Variants in ESRRG observed in about 807,000 individuals in gnomAD.
The protein encoded by ESRRG is estrogen-related receptor gamma.
ESRRG carries 13 observed loss-of-function variants against 44.0 expected under a neutral mutation model. The observed-to-expected ratio is 0.30, with a 90% CI of 0.19 to 0.47. The LOEUF is 0.47. ESRRG is among the 20% of genes least tolerant of loss of function. The pLI is 1.00. For missense variants in ESRRG, 395 were observed against 580.6 expected, an observed-to-expected ratio of 0.68 and a Z score of 3.29; for synonymous variants, 215 against 214.6, an observed-to-expected ratio of 1.00 and a Z score of -0.02.
upstream of ESRRG, among the ~76,000 whole-genome samples, chr1:217,092,844 T>C (rs1056516487): frequency 6.6e-6 from 1 of 152,224 alleles, no homozygotes; most frequent in Non-Finnish European, 1.5e-5. Context: ...CACTTTTCAA[T>C]TTGACAGAAA....
chr1:217,094,610 C>G (rs373238856), upstream of ESRRG, among the ~76,000 whole-genome samples: 10 of 152,330 alleles, frequency 6.6e-5, no homozygotes, highest in African/African-American at 2.4e-4. Flanking sequence ...TGTGCCTTAT[C>G]TTACATCTGA....
chr1:216,927,371 C>T (rs1173646436), intron 2 of ESRRG, among the ~76,000 whole-genome samples: 1 of 152,106 alleles, frequency 6.6e-6, no homozygotes, highest in Non-Finnish European at 1.5e-5. Flanking sequence ...CCTCACCACC[C>T]TGAAGGGCAA....
chr1:216,830,329 C>T (rs147223613), intron 2 of ESRRG, among the ~76,000 whole-genome samples: 3 of 152,216 alleles, frequency 2.0e-5, no homozygotes, highest in African/African-American at 4.8e-5. Flanking sequence ...AAGTCGAGAA[C>T]GAAGTAATCC....
At position 217,118,056 on chromosome 1, in the gene ESRRG, G is replaced by A. The variant is rs180878351; in HGVS notation, c.-230+19611C>T. On this transcript the variant is annotated intron_variant, in intron 1 of 8. Transcript: ENST00000366940. ...CTAGAAATTATTTAGTACTTACTAT[G>A]AGCCAGAGCCTGTTCTAAGCATTTT... Among the ~76,000 whole-genome samples the A allele has an allele frequency of 1.7e-3, 263 of 152,182 alleles. 1 individual carries two copies. The highest frequency in any genetic ancestry group is 6.1e-3 in the African/African-American group (252 of 41,494).
chr1:216,768,778 A>G (rs969193079), intron 2 of ESRRG, among the ~76,000 whole-genome samples: 1 of 152,132 alleles, frequency 6.6e-6, no homozygotes, highest in Non-Finnish European at 1.5e-5. Flanking sequence ...GGGGTAAGCC[A>G]CTGTGCCCAG....
At chr1:216,770,630 TA>T in intron 2 of ESRRG, among the ~76,000 whole-genome samples, 1 of 152,260 alleles carries the variant, frequency 6.6e-6, no homozygotes, top group Non-Finnish European at 1.5e-5. Context: ...TAACAATAAA[TA>T]ACAGGTTAAA....
At chr1:217,062,655 G>C (rs1478220675) in intron 1 of ESRRG, among the ~76,000 whole-genome samples, 2 of 152,206 alleles carry the variant, frequency 1.3e-5, no homozygotes, top group African/African-American at 4.8e-5. Context: ...GTCAGAGCTT[G>C]AGGTCTTCTC....
At chr1:216,730,170 G>A (rs61819764) in intron 2 of ESRRG, among the ~76,000 whole-genome samples, 21,332 of 151,908 alleles carry the variant, frequency 0.14, 1,550 homozygotes, top group Middle Eastern at 0.22. Flanking sequence ...CTATACTAGC[G>A]CATAGAACTC....
At position 216,678,343 on chromosome 1, in the gene ESRRG, T is replaced by C. The variant is rs539501828; in HGVS notation, c.57-852A>G. ...AAGCCATTTGAGCCTTCAGTATACC[T>C]GTAAGTCCACAAATCTGATATTATA... On this transcript the variant is annotated intron_variant, in intron 1 of 6. Coordinates refer to ENST00000408911, the MANE Select transcript of ESRRG (RefSeq NM_001438.4). Among the ~76,000 whole-genome samples the C allele has an allele frequency of 6.6e-5, 10 of 152,372 alleles. No homozygotes were observed. The South Asian group carries it at 2.1e-3, about 32-fold the overall frequency.
At chr1:216,570,279 T>A (rs1293388530) in intron 3 of ESRRG, among the ~76,000 whole-genome samples, 1 of 152,186 alleles carries the variant, frequency 6.6e-6, no homozygotes, top group South Asian at 2.1e-4. Flanking sequence ...TAGGTAAGGT[T>A]ATTAAGCATT....
chr1:216,760,847 T>C (rs1193255386), intron 2 of ESRRG, among the ~76,000 whole-genome samples: 4 of 152,096 alleles, frequency 2.6e-5, no homozygotes, highest in African/African-American at 9.7e-5. Context: ...ATAGACACTC[T>C]ACTAGACATT....
chr1:217,005,006 T>C (rs1272553361), intron 1 of ESRRG, among the ~76,000 whole-genome samples: 2 of 152,178 alleles, frequency 1.3e-5, no homozygotes, highest in Non-Finnish European at 2.9e-5. Flanking sequence ...CTACTCTTAT[T>C]AATAAAAAGC....
intron 2 of ESRRG, among the ~76,000 whole-genome samples, chr1:216,850,514 T>C (rs1337015833): frequency 6.6e-6 from 1 of 152,116 alleles, no homozygotes; most frequent in African/African-American, 2.4e-5. Flanking sequence ...GCACCATGTC[T>C]GGAAACAGGC....
At chr1:216,572,723 C>G (rs531707740) in intron 3 of ESRRG, among the ~76,000 whole-genome samples, 1 of 151,968 alleles carries the variant, frequency 6.6e-6, no homozygotes, top group African/African-American at 2.4e-5. Flanking sequence ...AATTGGGATA[C>G]TACATTTCTT....
At chr1:216,888,763 C>T (rs537676026) in intron 2 of ESRRG, among the ~76,000 whole-genome samples, 6 of 152,116 alleles carry the variant, frequency 3.9e-5, no homozygotes, top group East Asian at 1.9e-4. Flanking sequence ...AATAGAGCCC[C>T]GAAGATCAAT....
chr1:216,934,429 A>T (rs1295393204), intron 2 of ESRRG, among the ~76,000 whole-genome samples: 1 of 152,178 alleles, frequency 6.6e-6, no homozygotes, highest in African/African-American at 2.4e-5. Context: ...ATGAGACTCC[A>T]TCTCAAAAAT....
At chr1:216,522,435 A>G (rs2046377688) in intron 5 of ESRRG, among the ~76,000 whole-genome samples, 1 of 126,740 alleles carries the variant, frequency 7.9e-6, no homozygotes, top group Non-Finnish European at 1.6e-5. Context: ...AAAATAAAAT[A>G]AAAGTCTGAA....
intron 2 of ESRRG, among the ~76,000 whole-genome samples, chr1:216,810,106 T>C (rs1034127161): frequency 1.3e-5 from 2 of 152,068 alleles, no homozygotes; most frequent in Admixed American, 6.6e-5. Context: ...TAGAATCTTT[T>C]ATGAGTGGTG....
rs546245574 is a variant in ESRRG, at chr1:216,812,600, T to C, written c.-14+126982A>G. 2.0e-5 allele frequency among the ~76,000 whole-genome samples: 3 copies of C among 152,344 alleles called. No individual in the cohort carries two copies. The East Asian group carries it at 5.8e-4, about 29-fold the overall frequency. On this transcript the variant is annotated intron_variant, in intron 2 of 7. Coordinates refer to the ESRRG transcript ENST00000359162. Reference sequence around the variant, plus strand: ...ATATACTAGGTTTTGTCTTCCTCTCTTTAGCAATCAGTCTTTCTTTCTTAG... The same window carrying C: ...ATATACTAGGTTTTGTCTTCCTCTCCTTAGCAATCAGTCTTTCTTTCTTAG...
Sources: allele counts gnomAD v4.1 joint callset (sites outside exome capture counted in the v4.1 genomes callset), GRCh38; gene constraint gnomAD v4.1.1; transcripts MANE v1.5; gene names NCBI Gene and HGNC (gene_info 2026-07-23, HGNC 2026-07-21).